The following ZMYM2 variants were observed in gnomAD, a reference collection of about 807,000 sequenced individuals.
ZMYM2 encodes zinc finger MYM-type containing 2.
In ZMYM2, 56 loss-of-function variants were observed where a neutral mutation model predicts 162.8. The observed-to-expected ratio is 0.34, with a 90% CI of 0.28 to 0.43. The LOEUF (loss-of-function observed/expected upper bound fraction) is 0.43, where lower values mean the gene tolerates loss of function less well. ZMYM2 is among the 20% of genes least tolerant of loss of function. The probability of loss-of-function intolerance (pLI) is 1.00; values close to 1 mark genes in which losing one functional copy is unlikely to be tolerated. For missense variants in ZMYM2, 1,275 were observed against 1,621.8 expected (o/e 0.79, Z 3.67); for synonymous variants, 510 against 541.6 (o/e 0.94, Z 0.81).
the ZMYM2 span, among the ~76,000 whole-genome samples, chr13:19,939,541 A>G: frequency 2.0e-5 from 3 of 152,216 alleles, no homozygotes; most frequent in African/African-American, 7.2e-5. Context: ...TTTCATCTGC[A>G]TTGGTTGCTA....
chr13:19,910,238 A>T, the ZMYM2 span, among the ~76,000 whole-genome samples: 1 of 151,876 alleles, frequency 6.6e-6, no homozygotes, highest in Non-Finnish European at 1.5e-5. Flanking sequence ...AAAAAAAAAA[A>T]GTTGTATTAG....
the ZMYM2 span, among the ~76,000 whole-genome samples, chr13:19,882,187 A>ATT: frequency 3.9e-5 from 6 of 152,138 alleles, no homozygotes; most frequent in East Asian, 5.8e-4. Flanking sequence ...GACTTCATCA[A>ATT]TATTAAAAAC....
chr13:20,026,539 A>G (rs905981212), intron 7 of ZMYM2, 73 bp from the exon 8 acceptor site: 20 of 1,448,440 alleles, frequency 1.4e-5, no homozygotes, highest in Middle Eastern at 2.4e-4. Flanking sequence ...CAAAAAGTGT[A>G]ATGAAAAATT....
chr13:19,894,725 GGTTTCTATTGAATGTGTATTGCCTTT>G, the ZMYM2 span, among the ~76,000 whole-genome samples: 1 of 151,916 alleles, frequency 6.6e-6, no homozygotes, highest in Non-Finnish European at 1.5e-5. Context: ...TCAAAAATAT[GGTTTCTATTGAATGTGTATTGCCTTT>G]GCAGCATGAT....
intron 2 of ZMYM2, among the ~76,000 whole-genome samples, chr13:19,970,585 G>GA (rs1161246703): frequency 1.5e-5 from 1 of 65,020 alleles, no homozygotes; most frequent in Non-Finnish European, 2.7e-5. Flanking sequence ...AGGGAGGAGT[G>GA]AAAAAACCCC....
chr13:19,908,475 G>A, the ZMYM2 span, among the ~76,000 whole-genome samples: 957 of 152,162 alleles, frequency 6.3e-3, 13 homozygotes, highest in African/African-American at 0.022. Context: ...TGTACAAGAG[G>A]CACATCATGT....
At chr13:20,021,223 C>T (rs1392668460) in intron 7 of ZMYM2, among the ~76,000 whole-genome samples, 2 of 152,108 alleles carry the variant, frequency 1.3e-5, no homozygotes, top group African/African-American at 4.8e-5. Flanking sequence ...GATCCGCCTG[C>T]CTCGGCCTCC....
At chr13:19,965,312 T>C in intron 2 of ZMYM2, 3 of 1,244,974 alleles carry the variant, frequency 2.4e-6, no homozygotes, top group Non-Finnish European at 3.1e-6. Context: ...TTTTGGGTTT[T>C]GTTACTTAAC....
At chr13:19,959,014 G>A (rs1303332606) in intron 1 of ZMYM2, among the ~76,000 whole-genome samples, 173 bp downstream of exon 1, 1 of 151,894 alleles carries the variant, frequency 6.6e-6, no homozygotes, top group African/African-American at 2.4e-5. Flanking sequence ...CCCGCGGCGC[G>A]GCCGCCGTCG....
the ZMYM2 span, among the ~76,000 whole-genome samples, chr13:19,907,585 C>T: frequency 6.6e-6 from 1 of 151,782 alleles, no homozygotes; most frequent in Non-Finnish European, 1.5e-5. Flanking sequence ...CATGGTGAAA[C>T]CCTGTCTCTA....
At position 20,065,230 on chromosome 13, in the gene ZMYM2, C is replaced by A. The variant is rs149438975; in HGVS notation, c.3132+685C>A. Among the ~76,000 whole-genome samples the A allele has an allele frequency of 1.3e-3, 203 of 151,778 alleles. 1 individual carries two copies. The highest frequency in any genetic ancestry group is 4.5e-3 in the African/African-American group (187 of 41,372). On this transcript the variant is annotated intron_variant, in intron 19 of 24. Coordinates refer to ENST00000610343, the MANE Select transcript of ZMYM2 (RefSeq NM_197968.4). ...TTGTCCCCAAAAGAAAGAAAAAAAA[C>A]CGGAAAAGGGAGAGAATACTTGGAG...
At chr13:19,918,884 C>T in the ZMYM2 span, among the ~76,000 whole-genome samples, 1 of 152,114 alleles carries the variant, frequency 6.6e-6, no homozygotes, top group African/African-American at 2.4e-5. Context: ...GGTATCGGTA[C>T]ATTGTGCCTG....
At chr13:19,926,691 A>G in the ZMYM2 span, among the ~76,000 whole-genome samples, 15 of 152,108 alleles carry the variant, frequency 9.9e-5, no homozygotes, top group Non-Finnish European at 1.8e-4. Context: ...TTTTCAAGAC[A>G]GGGTCCCACT....
chr13:19,884,546 C>A, the ZMYM2 span, among the ~76,000 whole-genome samples: 1,830 of 151,932 alleles, frequency 0.012, 37 homozygotes, highest in African/African-American at 0.04. Context: ...GCACTCCAGC[C>A]CGGGCAACAG....
At chr13:19,987,620 C>CGCGT (rs1819427278) in intron 2 of ZMYM2, among the ~76,000 whole-genome samples, 1 of 121,300 alleles carries the variant, frequency 8.2e-6, no homozygotes, top group Non-Finnish European at 1.7e-5. Context: ...GGGGTTTTGT[C>CGCGT]GTGTGTGTGT....
At position 20,087,280 on chromosome 13, in the gene ZMYM2, A is replaced by C. The variant is rs1036829563; in HGVS notation, c.*1266A>C. 5.3e-6 allele frequency: 1 copy of C among 189,290 alleles called. No homozygotes were observed. Among genetic ancestry groups the C allele is most frequent in the African/African-American group, 2.3e-5 (1 of 42,890 alleles). The allele number at this position is 189,290 out of a possible 1,614,324, so 11.7% of individuals were successfully genotyped here. ...TTATAGAAGATTGCATTAAAAAAAAAAACAACTTTGTGCTTCTGCATAGCA... is the reference window on the plus strand; with the variant it reads ...TTATAGAAGATTGCATTAAAAAAAACAACAACTTTGTGCTTCTGCATAGCA... On this transcript the variant is annotated 3_prime_UTR_variant, in exon 25 of 25. Transcript: ENST00000610343.
intron 11 of ZMYM2, 57 bp downstream of exon 11, chr13:20,034,461 C>T: frequency 7.3e-7 from 1 of 1,378,916 alleles, no homozygotes; most frequent in Non-Finnish European, 9.4e-7. Flanking sequence ...TGTTTTTTGC[C>T]AAAATAATAT....
chr13:19,981,083 G>A (rs1957276889), intron 2 of ZMYM2, among the ~76,000 whole-genome samples: 1 of 152,166 alleles, frequency 6.6e-6, no homozygotes, highest in East Asian at 1.9e-4. Flanking sequence ...ACTAGCCTGA[G>A]CAACATAGGG....
chr13:19,877,731 CTTT>C, the ZMYM2 span, among the ~76,000 whole-genome samples: 1 of 152,154 alleles, frequency 6.6e-6, no homozygotes, highest in Admixed American at 6.5e-5. Flanking sequence ...AATTTCCTTC[CTTT>C]TTAAGACTAA....
Sources: allele counts gnomAD v4.1 joint callset (sites outside exome capture counted in the v4.1 genomes callset), GRCh38; gene constraint gnomAD v4.1.1; transcripts MANE v1.5; gene names NCBI Gene and HGNC (gene_info 2026-07-23, HGNC 2026-07-21).